Variants in PCCA observed in about 807,000 individuals in gnomAD.
The protein encoded by PCCA is propionyl-CoA carboxylase alpha chain, mitochondrial.
A neutral mutation model predicts 101.3 loss-of-function variants in PCCA; 74 were observed. The ratio of observed to expected loss-of-function variants is 0.73; its 90% CI spans 0.61 to 0.89. The LOEUF is 0.89. Among genes scored for constraint, PCCA ranks in the 40% least tolerant of loss-of-function variants. PCCA has a pLI of 0.00. For missense variants in PCCA, 891 were observed against 907.0 expected (o/e 0.98, Z 0.23); for synonymous variants, 294 against 313.6 (o/e 0.94, Z 0.66).
At chr13:100,367,334 G>C (rs1300022212) in intron 18 of PCCA, among the ~76,000 whole-genome samples, 1 of 152,050 alleles carries the variant, frequency 6.6e-6, no homozygotes, top group African/African-American at 2.4e-5. Flanking sequence ...TTTCTGGGGG[G>C]TTTTAGGTGA....
At chr13:100,120,767 A>G (rs2049293326) in intron 4 of PCCA, among the ~76,000 whole-genome samples, 1 of 152,180 alleles carries the variant, frequency 6.6e-6, no homozygotes, top group South Asian at 2.1e-4. Flanking sequence ...GCCCTAGGAA[A>G]GCACGCTTAT....
intron 12 of PCCA, among the ~76,000 whole-genome samples, chr13:100,296,164 T>C (rs1471267544): frequency 1.3e-5 from 2 of 152,180 alleles, no homozygotes; most frequent in African/African-American, 2.4e-5. Flanking sequence ...AAGTCAGATG[T>C]CTTTATTTTT....
chr13:100,504,233 C>T (rs1421575349), intron 21 of PCCA, among the ~76,000 whole-genome samples: 1 of 152,154 alleles, frequency 6.6e-6, no homozygotes, highest in Non-Finnish European at 1.5e-5. Flanking sequence ...AATTCTTCTG[C>T]CATGAGAAAT....
intron 7 of PCCA, among the ~76,000 whole-genome samples, chr13:100,234,892 A>AAC (rs370152898): frequency 3.5e-3 from 334 of 95,294 alleles, no homozygotes; most frequent in African/African-American, 0.016. Context: ...GAATTACACA[A>AAC]ACACACACAC....
intron 9 of PCCA, 32 bp from the exon 10 acceptor site, chr13:100,262,697 C>T: frequency 1.1e-6 from 1 of 927,682 alleles, no homozygotes; most frequent in Non-Finnish European, 1.8e-6. Context: ...TCCCTCTCCC[C>T]CCCTCCTCCT....
At chr13:100,314,901 G>T (rs2067208823) in intron 16 of PCCA, among the ~76,000 whole-genome samples, 1 of 152,182 alleles carries the variant, frequency 6.6e-6, no homozygotes, top group South Asian at 2.1e-4. Context: ...GGGACAATTG[G>T]TGAGATTTGA....
intron 6 of PCCA, among the ~76,000 whole-genome samples, chr13:100,184,183 A>C (rs998111426): frequency 6.6e-6 from 1 of 152,174 alleles, no homozygotes; most frequent in South Asian, 2.1e-4. Context: ...GGGGAAGGTT[A>C]TAACTATAGT....
At chr13:100,302,874 G>C (rs1332610979) in intron 13 of PCCA, 50 bp from the exon 14 acceptor site, 1 of 1,006,400 alleles carries the variant, frequency 9.9e-7, no homozygotes, top group Non-Finnish European at 1.6e-6. Context: ...AACCTTACTT[G>C]TGCTGATTTA....
At chr13:100,210,164 A>T (rs1253979634) in intron 7 of PCCA, among the ~76,000 whole-genome samples, 1 of 151,258 alleles carries the variant, frequency 6.6e-6, no homozygotes, top group Admixed American at 6.6e-5. Context: ...TTTTGTAGAG[A>T]TGAGGGTCTC....
rs191859646 is a variant in PCCA, at chr13:100,190,823, C to T, written c.469-18509C>T. 2.7e-4 allele frequency among the ~76,000 whole-genome samples: 41 copies of T among 152,072 alleles called. No individual in the cohort carries two copies. The East Asian group carries it at 7.0e-3, about 26-fold the overall frequency. ...CAAAAAGTAAGAAAAAGGGGCTGGTCGTGGTGGTTCACACCTGTAATCCCA... is the reference window on the plus strand; with the variant it reads ...CAAAAAGTAAGAAAAAGGGGCTGGTTGTGGTGGTTCACACCTGTAATCCCA... On this transcript the variant is annotated intron_variant, in intron 6 of 23. Transcript: ENST00000376285.
At chr13:100,456,758 G>A (rs1274814813) in intron 21 of PCCA, among the ~76,000 whole-genome samples, 3 of 152,138 alleles carry the variant, frequency 2.0e-5, no homozygotes, top group Non-Finnish European at 2.9e-5. Context: ...TATCTACTAC[G>A]AGCTTCAAAG....
intron 19 of PCCA, among the ~76,000 whole-genome samples, chr13:100,374,503 C>G (rs892719352): frequency 3.3e-5 from 5 of 151,858 alleles, no homozygotes; most frequent in African/African-American, 1.2e-4. Flanking sequence ...TGGTGCGCAC[C>G]TATAGTCCAT....
At chr13:100,404,746 A>G (rs540474563) in intron 19 of PCCA, among the ~76,000 whole-genome samples, 67 of 152,234 alleles carry the variant, frequency 4.4e-4, no homozygotes, top group Non-Finnish European at 1.6e-4. Flanking sequence ...AGGGGGTGAG[A>G]ATCATCCACT....
At chr13:100,526,451 G>GA (rs1279670866) in intron 22 of PCCA, among the ~76,000 whole-genome samples, 2 of 152,368 alleles carry the variant, frequency 1.3e-5, no homozygotes, top group East Asian at 3.9e-4. Context: ...AACAGCAGAG[G>GA]AAAAGAGTAC....
chr13:100,270,687 TAAATG>T (rs780499067), intron 11 of PCCA, among the ~76,000 whole-genome samples: 1 of 152,252 alleles, frequency 6.6e-6, no homozygotes. Context: ...AATGTTAAAA[TAAATG>T]GAATGTGTAG....
intron 16 of PCCA, among the ~76,000 whole-genome samples, chr13:100,315,750 T>TTCCAGGCCTGGAAA (rs2067290366): frequency 6.6e-6 from 1 of 152,144 alleles, no homozygotes; most frequent in African/African-American, 2.4e-5. Context: ...TGGTGGTGAT[T>TTCCAGGCCTGGAAA]TCCCATACAG....
At chr13:100,327,794 CAAT>C (rs2068858821) in intron 16 of PCCA, among the ~76,000 whole-genome samples, 1 of 152,154 alleles carries the variant, frequency 6.6e-6, no homozygotes, top group Non-Finnish European at 1.5e-5. Context: ...GTTTCTTTAA[CAAT>C]AATGATGTTG....
chr13:100,169,505 T>C (rs1004873438), intron 6 of PCCA, among the ~76,000 whole-genome samples: 1 of 151,904 alleles, frequency 6.6e-6, no homozygotes, highest in Admixed American at 6.6e-5. Context: ...AGTAGAAGGC[T>C]GAACTCATGC....
At chr13:100,308,768 A>C (rs1566909795) in intron 15 of PCCA, among the ~76,000 whole-genome samples, 1 of 152,220 alleles carries the variant, frequency 6.6e-6, no homozygotes, top group Admixed American at 6.5e-5. Context: ...TTCTCTTCAG[A>C]AAAATGGCCT....
Sources: allele counts gnomAD v4.1 joint callset (sites outside exome capture counted in the v4.1 genomes callset), GRCh38; gene constraint gnomAD v4.1.1; transcripts MANE v1.5; gene names NCBI Gene and HGNC (gene_info 2026-07-23, HGNC 2026-07-21).